P3H1: variants seen among roughly 807,000 people sequenced by gnomAD.
P3H1 encodes growth suppressor 1.
Under a neutral mutation model 84.0 loss-of-function variants are expected in P3H1, and 69 were observed. That is an observed-to-expected ratio of 0.82 (90% CI 0.68 to 1.00). The LOEUF is 1.00. Ranked by LOEUF, P3H1 falls within the 50% of genes least tolerant of loss-of-function variation. The probability of loss-of-function intolerance (pLI) is 0.00; values close to 1 mark genes in which losing one functional copy is unlikely to be tolerated. For synonymous variants in P3H1, 366 were observed against 388.8 expected (o/e 0.94, Z 0.69); for missense variants, 878 against 962.8 (o/e 0.91, Z 1.17).
rs893483964 is a variant in P3H1, at chr1:42,764,285, G to A, written c.466-1810C>T. Among the ~76,000 whole-genome samples the A allele has an allele frequency of 1.5e-4, 23 of 152,128 alleles. No individual in the cohort carries two copies. In the East Asian group the frequency reaches 4.4e-3, roughly 29 times the overall value. Reference sequence around the variant, plus strand: ...AAAAATACAAAAATTAGCCGGATGTGATGGCACGTGCCTGTAATCCCAGCT... The same window carrying A: ...AAAAATACAAAAATTAGCCGGATGTAATGGCACGTGCCTGTAATCCCAGCT... On this transcript the variant is annotated intron_variant, in intron 1 of 14. Transcript: ENST00000296388.
chr1:42,765,061 G>A (rs1367061002), intron 1 of P3H1, among the ~76,000 whole-genome samples: 1 of 152,140 alleles, frequency 6.6e-6, no homozygotes, highest in Admixed American at 6.6e-5. Context: ...CAGAATAAGC[G>A]TTTTAAAACC....
At position 42,759,197 on chromosome 1, in the gene P3H1, G is replaced by A. The variant is rs534929823; in HGVS notation, c.808+4C>T. On this transcript the variant is annotated splice_donor_region_variant and intron_variant, in intron 3 of 14. Transcript: ENST00000296388. Reference sequence around the variant, plus strand: ...CTGAAGGTCTGGCTCTGAACTGCACGCACCTGTGATGGCCTGGAAGAGGTC... The same window carrying A: ...CTGAAGGTCTGGCTCTGAACTGCACACACCTGTGATGGCCTGGAAGAGGTC... 5.6e-6 allele frequency: 9 copies of A among 1,614,146 alleles called. No individual in the cohort carries two copies. Among genetic ancestry groups the A allele is most frequent in the Middle Eastern group, 1.6e-4 (1 of 6,062 alleles).
At chr1:42,759,078 C>T (rs1413630525) in intron 3 of P3H1, 95 bp from the exon 4 acceptor site, 2 of 1,580,420 alleles carry the variant, frequency 1.3e-6, no homozygotes, top group Non-Finnish European at 1.7e-6. Flanking sequence ...AGCAATTTTT[C>T]ATCAGCTTCT....
At chr1:42,766,021 C>CCCAACA (rs1240213907) in intron 1 of P3H1, among the ~76,000 whole-genome samples, 40 of 141,302 alleles carry the variant, frequency 2.8e-4, no homozygotes, top group African/African-American at 1.1e-3. Context: ...CCCCCCGCCC[C>CCCAACA]CACACACACA....
chr1:42,762,565 CCCTGCCT>C, intron 1 of P3H1, 90 bp from the exon 2 acceptor site: 1 of 1,405,798 alleles, frequency 7.1e-7, no homozygotes, highest in Admixed American at 1.7e-5. Flanking sequence ...AACAGGAAAT[CCCTGCCT>C]CCCTGAGCCC....
At chr1:42,757,992 G>T in intron 4 of P3H1, 70 bp from the exon 5 acceptor site, 2 of 1,416,612 alleles carry the variant, frequency 1.4e-6, no homozygotes, top group South Asian at 1.2e-5. Flanking sequence ...TAGCACCAGG[G>T]ACCACTTAGT....
chr1:42,762,596 CCCAGCCCCTG>C, intron 1 of P3H1, 121 bp from the exon 2 acceptor site: 2 of 1,072,922 alleles, frequency 1.9e-6, no homozygotes, highest in Non-Finnish European at 2.8e-6. Context: ...ACTCAGCGTG[CCCAGCCCCTG>C]CCAGCCCCAG....
At position 42,759,192 on chromosome 1, in the gene P3H1, T is replaced by A. The variant is rs1553143084; in HGVS notation, c.808+9A>T. 1 of 1,614,202 alleles carries A rather than the reference T, an allele frequency of 6.2e-7. No individual in the cohort carries two copies. The highest frequency in any genetic ancestry group is 8.5e-7 in the Non-Finnish European group (1 of 1,180,016). ...CCTGGCTGAAGGTCTGGCTCTGAAC[T>A]GCACGCACCTGTGATGGCCTGGAAG... is the stretch of plus-strand genomic sequence containing the variant. On this transcript the variant is annotated intron_variant, in intron 3 of 14. Coordinates refer to ENST00000296388, the MANE Select transcript of P3H1 (RefSeq NM_022356.4).
At chr1:42,762,284 AAAAG>A (rs771969511) in intron 2 of P3H1, 35 bp downstream of exon 2, 57 of 1,603,552 alleles carry the variant, frequency 3.6e-5, no homozygotes, top group Middle Eastern at 1.6e-4. Context: ...AATAAATTTA[AAAAG>A]AAAGAAAGAA....
At chr1:42,752,395 TG>T (rs1328641685) in intron 9 of P3H1, 26 bp from the exon 10 acceptor site, 3 of 1,612,840 alleles carry the variant, frequency 1.9e-6, no homozygotes, top group Non-Finnish European at 2.5e-6. Flanking sequence ...CACAAGGTGA[TG>T]TTAGCCAGGG....
chr1:42,757,920 C>T lies in P3H1; in HGVS notation c.943G>A (p.Gly315Arg), dbSNP rs753051532. Residue 315 changes from glycine (G) to arginine (R), a missense_variant and splice_region_variant, in exon 5 of 15, where the codon GGG (glycine) becomes AGG (arginine). Coordinates refer to ENST00000296388, the MANE Select transcript of P3H1 (RefSeq NM_022356.4). ...CATTCAACAGCCTGTGTATAATTCC[C>T]AACTGCAAAGTGGAAAGAAGAATGG... Reference protein sequence around the residue: ...NYLQFAYYNIGNYTQAVECAK... With the variant: ...NYLQFAYYNIRNYTQAVECAK... 4.3e-6 allele frequency: 7 copies of T among 1,613,924 alleles called. No homozygotes were observed. The highest frequency in any genetic ancestry group is 2.2e-5 in the East Asian group (1 of 44,880).
In P3H1 at chr1:42,754,528, T is replaced by C. The variant is rs1377960775; in HGVS notation, c.1345+341A>G. On this transcript the variant is annotated intron_variant, in intron 8 of 14. Coordinates refer to ENST00000296388, the MANE Select transcript of P3H1 (RefSeq NM_022356.4). This position sits in a 1 kb window ranked among gnomAD's most constrained non-coding sequence, Gnocchi z 4.0. ...TGACACAGAAGTCTCATTTCTTTCT[T>C]TTTTTTTAAAGATGAGGTCTTGCTA... is the stretch of plus-strand genomic sequence containing the variant. Among the ~76,000 whole-genome samples the C allele has an allele frequency of 6.6e-6, 1 of 151,918 alleles. No individual in the cohort carries two copies.
In P3H1 at chr1:42,758,860, T is replaced by C. The variant is rs368079962; in HGVS notation, c.932A>G (p.Tyr311Cys). 5.6e-6 allele frequency: 9 copies of C among 1,614,056 alleles called. No homozygotes were observed. In the African/African-American group the frequency reaches 8.0e-5, roughly 14 times the overall value. ...PSHYNYLQFA[Y>C]YNIGNYTQAV... is the part of the protein sequence containing the mutation. ...AGGAAAGTAGGCCTTACTGTTATAG[T>C]AGGCAAACTGCAGATAATTATAATG... The change falls in exon 4 of 15, where the codon TAC becomes TGC. Residue 311 changes from tyrosine to cysteine, a missense_variant. Coordinates refer to ENST00000296388, the MANE Select transcript of P3H1 (RefSeq NM_022356.4).
Position 42,752,326 on chromosome 1 carries a change from G to C in P3H1, c.1517C>G (p.Pro506Arg), listed in dbSNP as rs3738501. 1.7e-4 allele frequency: 269 copies of C among 1,614,122 alleles called. 5 individuals carry two copies. In the East Asian group the frequency reaches 4.2e-3, roughly 25 times the overall value. The stretch of plus-strand genomic sequence containing the variant: ...ATAGAACTTTTCATTGGGAGTATGT[G>C]GGGAGGTCTGACCCCGGTAGCCATC... ...SGDGYRGQTSPHTPNEKFYGV... is the reference protein window; with the variant it reads ...SGDGYRGQTSRHTPNEKFYGV... Residue 506 changes from proline to arginine, a missense_variant, in exon 10 of 15, where the codon CCA (proline) becomes CGA (arginine). Pro to Arg is a moderately radical substitution (Grantham distance 103). Coordinates refer to ENST00000296388, the MANE Select transcript of P3H1 (RefSeq NM_022356.4).
intron 11 of P3H1, 53 bp from the exon 12 acceptor site, chr1:42,748,370 G>T: frequency 7.4e-7 from 1 of 1,351,612 alleles, no homozygotes. Context: ...AGACGGCATA[G>T]CTCTCTTCTT....
At chr1:42,748,664 G>A in intron 11 of P3H1, 1 of 359,886 alleles carries the variant, frequency 2.8e-6, no homozygotes, top group Non-Finnish European at 5.4e-6. Context: ...GACGGACGCA[G>A]GGCAGAGTGG....
chr1:42,762,681 T>C (rs532410098), intron 1 of P3H1, among the ~76,000 whole-genome samples: 2 of 152,336 alleles, frequency 1.3e-5, no homozygotes, highest in East Asian at 3.9e-4. Flanking sequence ...GGCAGATTTG[T>C]AGCTCTTTCC....
At chr1:42,746,951 T>C (rs1202317389) in intron 14 of P3H1, 99 bp from the exon 15 acceptor site, 1 of 1,614,164 alleles carries the variant, frequency 6.2e-7, no homozygotes, top group East Asian at 2.2e-5. Context: ...GGTTCCTTAA[T>C]GGCCCCAGGC....
Position 42,762,441 on chromosome 1 carries a change from T to A in P3H1, c.500A>T (p.His167Leu). ...CTCAGGATTGCCCACGAAGAAGGTG[T>A]GTGCTGCAGCAACAGCTTTCTCCAA... ...NKLEKAVAAA[H>L]TFFVGNPEHM... Residue 167 changes from histidine (H) to leucine (L), a missense_variant, in exon 2 of 15, where the codon CAC (histidine) becomes CTC (leucine). Transcript: ENST00000296388. 6.2e-7 allele frequency: 1 copy of A among 1,614,182 alleles called. No individual in the cohort carries two copies. The highest frequency in any genetic ancestry group is 8.5e-7 in the Non-Finnish European group (1 of 1,180,024).
Sources: gnomAD v4.1 joint callset for allele counts (sites outside exome capture counted in the v4.1 genomes callset) on GRCh38, gnomAD v4.1.1 for gene constraint, Gnocchi (gnomAD v3.1) non-coding constraint, MANE v1.5 for transcripts, NCBI Gene and HGNC (gene_info 2026-07-23, HGNC 2026-07-21) for gene names.